Variants in CDH2 observed in about 807,000 individuals in gnomAD.
CDH2 encodes the protein cadherin-2.
In CDH2, 17 loss-of-function variants were observed where a neutral mutation model predicts 92.0. The ratio of observed to expected loss-of-function variants is 0.18; its 90% CI spans 0.13 to 0.28. CDH2 has a LOEUF of 0.28. CDH2 is among the 10% of genes least tolerant of loss of function. CDH2 has a pLI of 1.00. For missense variants in CDH2, 862 were observed against 1,133.1 expected (o/e 0.76, Z 3.44); for synonymous variants, 419 against 415.9 (o/e 1.01, Z -0.09).
At chr18:28,148,881 C>G (rs935612548) in intron 1 of CDH2, among the ~76,000 whole-genome samples, 1 of 151,980 alleles carries the variant, frequency 6.6e-6, no homozygotes, top group African/African-American at 2.4e-5. Context: ...AAAATCTAGA[C>G]CAATCTAATA....
intron 1 of CDH2, among the ~76,000 whole-genome samples, chr18:28,165,069 A>T (rs1291404066): frequency 3.3e-5 from 5 of 152,232 alleles, no homozygotes. Flanking sequence ...TTATTCAAAC[A>T]ATTAAATTAT....
rs529332705 is a variant in CDH2 at position 28,118,740 on chromosome 18, ACATATTC to A, written c.172+28926_172+28932del. ...AGGCCGTATACCTTAGTAGTTATTG[ACATATTC>A]CACTAATTTTATATCAAAACCAGCC... On this transcript the variant is annotated intron_variant, in intron 2 of 15. Transcript: ENST00000269141. Among the ~76,000 whole-genome samples the A allele has an allele frequency of 3.8e-3, 572 of 152,100 alleles. 2 individuals carry two copies. The highest frequency in any genetic ancestry group is 0.013 in the African/African-American group (541 of 41,504).
chr18:28,171,813 A>G (rs1288490899), intron 1 of CDH2, among the ~76,000 whole-genome samples: 1 of 152,174 alleles, frequency 6.6e-6, no homozygotes, highest in East Asian at 1.9e-4. Flanking sequence ...TTGTTGAGGA[A>G]AATGAGGTCA....
intron 2 of CDH2, among the ~76,000 whole-genome samples, chr18:28,032,665 A>T (rs1386604257): frequency 6.6e-6 from 1 of 152,118 alleles, no homozygotes; most frequent in Non-Finnish European, 1.5e-5. Flanking sequence ...CTTTTAAAAA[A>T]TTTATTTGCT....
chr18:27,999,712 A>ATG (rs968205579), intron 7 of CDH2, among the ~76,000 whole-genome samples: 1 of 151,242 alleles, frequency 6.6e-6, no homozygotes, highest in Non-Finnish European at 1.5e-5. Flanking sequence ...ATATGTATAT[A>ATG]TGTGTGTGTG....
At chr18:27,957,100 CTTA>C (rs1364708166) in intron 15 of CDH2, among the ~76,000 whole-genome samples, 2 of 141,194 alleles carry the variant, frequency 1.4e-5, no homozygotes, top group South Asian at 2.4e-4. Context: ...AATTATACTT[CTTA>C]TATTTTTTAT....
intron 6 of CDH2, among the ~76,000 whole-genome samples, chr18:28,003,720 G>A (rs535642648): frequency 1.3e-5 from 2 of 152,338 alleles, no homozygotes; most frequent in Admixed American, 1.3e-4. Flanking sequence ...ATTGCATAGA[G>A]ATTTGGCATC....
At chr18:28,141,841 C>G (rs1196390234) in intron 2 of CDH2, among the ~76,000 whole-genome samples, 1 of 152,052 alleles carries the variant, frequency 6.6e-6, no homozygotes, top group Non-Finnish European at 1.5e-5. Context: ...AGGACTCTTG[C>G]ATTTGCTGTT....
chr18:28,083,687 T>C (rs2014873214), intron 2 of CDH2, among the ~76,000 whole-genome samples: 2 of 152,312 alleles, frequency 1.3e-5, no homozygotes, highest in South Asian at 2.1e-4. Flanking sequence ...GTGAATATGC[T>C]CTTTCGATCA....
intron 1 of CDH2, among the ~76,000 whole-genome samples, chr18:28,156,510 A>AATGTCACCTTCCCAGGTACAGC (rs1568020494): frequency 2.4e-3 from 52 of 21,284 alleles, no homozygotes; most frequent in Admixed American, 4.1e-3. Context: ...CCAGGTATAG[A>AATGTCACCTTCCCAGGTACAGC]ATGTCACCTT....
intron 14 of CDH2, among the ~76,000 whole-genome samples, chr18:27,973,275 T>C (rs1415353710): frequency 1.3e-5 from 2 of 152,290 alleles, no homozygotes; most frequent in Admixed American, 1.3e-4. Context: ...CATATGGTAA[T>C]TATATCTAGG....
At chr18:28,013,650 A>C (rs770336583) in intron 3 of CDH2, 33 bp downstream of exon 3, 1 of 1,503,150 alleles carries the variant, frequency 6.7e-7, no homozygotes, top group Non-Finnish European at 9.3e-7. Context: ...GCTGATTTTT[A>C]ACCAGCCCTA....
At chr18:28,103,897 T>C (rs1363544907) in intron 2 of CDH2, among the ~76,000 whole-genome samples, 1 of 151,992 alleles carries the variant, frequency 6.6e-6, no homozygotes, top group Non-Finnish European at 1.5e-5. Context: ...ATAAAAAAAA[T>C]CACCAGAAAT....
Position 28,134,495 on chromosome 18 carries a change from G to A in CDH2, c.172+13178C>T, listed in dbSNP as rs1389681467. ...GAGGCCAAGGTGGGAAGATTGCTCAGCTCAGGAGTTCAAGACCAATCTGGG... is the reference window on the plus strand; with the variant it reads ...GAGGCCAAGGTGGGAAGATTGCTCAACTCAGGAGTTCAAGACCAATCTGGG... On this transcript the variant is annotated intron_variant, in intron 2 of 15. Transcript: ENST00000269141. Among the ~76,000 whole-genome samples, 3 of 152,152 alleles carry A rather than the reference G, an allele frequency of 2.0e-5. No individual in the cohort carries two copies. The East Asian group carries it at 5.8e-4, about 29-fold the overall frequency.
At chr18:27,991,465 A>G (rs2012412783) in intron 9 of CDH2, among the ~76,000 whole-genome samples, 1 of 152,184 alleles carries the variant, frequency 6.6e-6, no homozygotes, top group Non-Finnish European at 1.5e-5. Flanking sequence ...TAAGACTGCA[A>G]TATTTAGAGT....
At chr18:28,088,605 G>GT (rs2014980676) in intron 2 of CDH2, among the ~76,000 whole-genome samples, 1 of 152,246 alleles carries the variant, frequency 6.6e-6, no homozygotes, top group South Asian at 2.1e-4. Flanking sequence ...TGGGGCCTAT[G>GT]TAAGTCTGTC....
chr18:27,956,234 G>C (rs1023987790), intron 15 of CDH2, among the ~76,000 whole-genome samples: 2 of 152,144 alleles, frequency 1.3e-5, no homozygotes, highest in Admixed American at 6.6e-5. Context: ...TGTTTCTCTA[G>C]GTTTGACTAA....
At chr18:28,013,983 C>G (rs917579390) in intron 2 of CDH2, 74 bp from the exon 3 acceptor site, 5 of 965,298 alleles carry the variant, frequency 5.2e-6, no homozygotes, top group Non-Finnish European at 7.8e-6. Flanking sequence ...AATACTTAAA[C>G]CTATATCCTG....
intron 2 of CDH2, among the ~76,000 whole-genome samples, chr18:28,142,341 C>G (rs973402064): frequency 6.6e-6 from 1 of 151,898 alleles, no homozygotes; most frequent in African/African-American, 2.4e-5. Flanking sequence ...TACAAAAGGA[C>G]TTTATAGAAA....
Sources: allele counts gnomAD v4.1 joint callset (sites outside exome capture counted in the v4.1 genomes callset), GRCh38; gene constraint gnomAD v4.1.1; transcripts MANE v1.5; gene names NCBI Gene and HGNC (gene_info 2026-07-23, HGNC 2026-07-21).